SH3RF2: variants seen among roughly 807,000 people sequenced by gnomAD.
SH3RF2 encodes the protein SH3 domain containing ring finger 2.
A neutral mutation model predicts 59.0 loss-of-function variants in SH3RF2; 43 were observed. That is an observed-to-expected ratio of 0.73 (90% confidence interval 0.57 to 0.94). The LOEUF (loss-of-function observed/expected upper bound fraction) is 0.94. SH3RF2 is among the 40% of genes least tolerant of loss of function. The pLI is 0.00. For missense variants in SH3RF2, 930 were observed against 940.1 expected (o/e 0.99, Z 0.14); for synonymous variants, 391 against 391.5 (o/e 1.00, Z 0.01).
intron 5 of SH3RF2, among the ~76,000 whole-genome samples, chr5:146,017,931 T>C (rs895799660): frequency 6.6e-6 from 1 of 152,010 alleles, no homozygotes; most frequent in Non-Finnish European, 1.5e-5. Context: ...CATTAATGGA[T>C]CCCATTATTG....
At chr5:145,956,896 A>G (rs1363876495) in intron 2 of SH3RF2, among the ~76,000 whole-genome samples, 1 of 152,230 alleles carries the variant, frequency 6.6e-6, no homozygotes. Context: ...AGATTGGGTT[A>G]TTCCTGCTCC....
At chr5:145,982,579 T>G (rs1014455244) in intron 2 of SH3RF2, among the ~76,000 whole-genome samples, 1 of 152,216 alleles carries the variant, frequency 6.6e-6, no homozygotes, top group Non-Finnish European at 1.5e-5. Context: ...ACTTTGAAAT[T>G]AGGAGACTAT....
intron 2 of SH3RF2, among the ~76,000 whole-genome samples, chr5:145,958,581 G>A (rs867332657): frequency 1.4e-4 from 21 of 152,308 alleles, no homozygotes; most frequent in Middle Eastern, 3.4e-3. Flanking sequence ...TAGGTGCTGA[G>A]AGATTTAAAG....
Position 146,060,203 on chromosome 5 carries a change from C to T in SH3RF2, c.1893C>T (p.Asn631=). Residue 631 remains asparagine, a synonymous_variant, in exon 9 of 10, where the codon AAC becomes AAT. Transcript: ENST00000359120. ...CATCCATCCTGGTGAAACCAGAAAA[C>T]TCAAGAAATGGCATCGAAAAGGTAG... The part of the protein sequence containing the change: ...APPSILVKPE[N]SRNGIEKQVK... 1 of 1,609,920 alleles carries T rather than the reference C, an allele frequency of 6.2e-7. No individual in the cohort carries two copies. The highest frequency in any genetic ancestry group is 8.5e-7 in the Non-Finnish European group (1 of 1,177,864).
At chr5:146,015,093 A>G (rs1305932669) in intron 5 of SH3RF2, among the ~76,000 whole-genome samples, 2 of 152,188 alleles carry the variant, frequency 1.3e-5, no homozygotes, top group Admixed American at 6.5e-5. Flanking sequence ...GTTTTTAAAC[A>G]TGAATTTCTA....
At chr5:146,040,539 C>T (rs971662297) in intron 5 of SH3RF2, among the ~76,000 whole-genome samples, 2 of 152,070 alleles carry the variant, frequency 1.3e-5, no homozygotes, top group African/African-American at 4.8e-5. Context: ...GAGCAGATCA[C>T]AGAGGATCTT....
chr5:145,955,486 G>T (rs750492754), intron 2 of SH3RF2, among the ~76,000 whole-genome samples: 8 of 152,124 alleles, frequency 5.3e-5, no homozygotes, highest in Non-Finnish European at 1.2e-4. Context: ...AGGATCATTC[G>T]CGCCCTAAAC....
chr5:145,968,071 A>G (rs1013041435), intron 2 of SH3RF2, among the ~76,000 whole-genome samples: 3 of 149,910 alleles, frequency 2.0e-5, no homozygotes, highest in African/African-American at 7.6e-5. Context: ...ATATTTGCCT[A>G]TGTATAGTTT....
chr5:146,056,574 C>T (rs1019418728), intron 8 of SH3RF2, among the ~76,000 whole-genome samples: 1 of 152,068 alleles, frequency 6.6e-6, no homozygotes, highest in South Asian at 2.1e-4. Flanking sequence ...TCAGCGGGTG[C>T]CACAGGAGAA....
At chr5:146,017,721 C>A (rs1267653190) in intron 5 of SH3RF2, among the ~76,000 whole-genome samples, 1 of 152,134 alleles carries the variant, frequency 6.6e-6, no homozygotes, top group East Asian at 1.9e-4. Context: ...ATTGCCCATT[C>A]CATTTCACTG....
chr5:145,994,282 C>T (rs1246432303), intron 2 of SH3RF2, among the ~76,000 whole-genome samples: 3 of 152,238 alleles, frequency 2.0e-5, no homozygotes, highest in African/African-American at 7.2e-5. Flanking sequence ...AACTTTCCCA[C>T]ATTTTGCTGT....
intron 2 of SH3RF2, among the ~76,000 whole-genome samples, chr5:145,983,941 A>G (rs565507505): frequency 3.3e-5 from 5 of 152,304 alleles, no homozygotes; most frequent in Admixed American, 6.5e-5. Context: ...ATACTCCCCA[A>G]TCTTGGGGAA....
intron 2 of SH3RF2, among the ~76,000 whole-genome samples, chr5:145,955,144 T>G (rs1042406650): frequency 3.3e-5 from 5 of 152,134 alleles, no homozygotes; most frequent in Admixed American, 1.3e-4. Context: ...CGAAGGGGGT[T>G]GGGTACTAGA....
intron 2 of SH3RF2, 79 bp from the exon 3 acceptor site, chr5:145,999,979 T>A: frequency 6.6e-7 from 1 of 1,525,480 alleles, no homozygotes; most frequent in East Asian, 2.4e-5. Flanking sequence ...CAAAGTACAA[T>A]AAAAGGGGGA....
At chr5:145,993,827 T>C (rs969332482) in intron 2 of SH3RF2, among the ~76,000 whole-genome samples, 1 of 152,040 alleles carries the variant, frequency 6.6e-6, no homozygotes, top group African/African-American at 2.4e-5. Context: ...ACCACCCCCC[T>C]GTCGTCTTGG....
chr5:146,061,626 T>C (rs1387251802), intron 9 of SH3RF2, among the ~76,000 whole-genome samples: 10 of 152,062 alleles, frequency 6.6e-5, no homozygotes. Flanking sequence ...GGCCCTGAGA[T>C]AGAGACTGGC....
chr5:146,010,562 T>A (rs1193286109), intron 4 of SH3RF2, among the ~76,000 whole-genome samples: 5 of 152,154 alleles, frequency 3.3e-5, no homozygotes, highest in Non-Finnish European at 5.9e-5. Flanking sequence ...CTTTTTAATG[T>A]TTGCCATTCT....
chr5:145,993,271 T>C (rs1760022633), intron 2 of SH3RF2, among the ~76,000 whole-genome samples: 1 of 152,202 alleles, frequency 6.6e-6, no homozygotes, highest in Non-Finnish European at 1.5e-5. Context: ...CACAGGCTGA[T>C]GTTGAGTGTC....
intron 4 of SH3RF2, among the ~76,000 whole-genome samples, chr5:146,013,422 C>G (rs1046952483): frequency 6.6e-6 from 1 of 152,102 alleles, no homozygotes; most frequent in Non-Finnish European, 1.5e-5. Flanking sequence ...GTGAAAACAG[C>G]CAGAAATGAC....
Sources: gnomAD v4.1 joint callset for allele counts (sites outside exome capture counted in the v4.1 genomes callset) on GRCh38, gnomAD v4.1.1 for gene constraint, MANE v1.5 for transcripts, NCBI Gene and HGNC (gene_info 2026-07-23, HGNC 2026-07-21) for gene names.